Variants in NRG1 observed in about 807,000 individuals in gnomAD.
NRG1 encodes the protein neuregulin 1, also known as pro-neuregulin-1, membrane-bound isoform.
In NRG1, 18 loss-of-function variants were observed where a neutral mutation model predicts 63.8. The observed-to-expected ratio is 0.28, with a 90% confidence interval of 0.19 to 0.42. The LOEUF (loss-of-function observed/expected upper bound fraction) is 0.42, where lower values mean the gene tolerates loss of function less well. Ranked by LOEUF, NRG1 falls within the 10% of genes least tolerant of loss-of-function variation. NRG1 has a pLI of 1.00. For missense variants in NRG1, 762 were observed against 814.7 expected (o/e 0.94, Z 0.79); for synonymous variants, 302 against 301.3 (o/e 1.00, Z -0.02).
intron 1 of NRG1, among the ~76,000 whole-genome samples, chr8:32,111,908 T>C (rs1366932380): frequency 6.6e-6 from 1 of 152,144 alleles, no homozygotes; most frequent in Non-Finnish European, 1.5e-5. Context: ...CAGTTTGAGG[T>C]TTCTTACTCT....
intron 1 of NRG1, among the ~76,000 whole-genome samples, chr8:32,155,754 A>G (rs765636207): frequency 2.0e-5 from 3 of 152,190 alleles, no homozygotes; most frequent in Non-Finnish European, 4.4e-5. Flanking sequence ...TCGTATTCTA[A>G]TATCTCCTAT....
intron 1 of NRG1, among the ~76,000 whole-genome samples, chr8:31,972,893 G>A (rs532684745): frequency 6.6e-6 from 1 of 152,206 alleles, no homozygotes; most frequent in Admixed American, 6.5e-5. Flanking sequence ...TCCTAATCAG[G>A]AACTGGTAAA....
chr8:32,497,516 A>C (rs144146727), intron 1 of NRG1, among the ~76,000 whole-genome samples: 5 of 152,114 alleles, frequency 3.3e-5, no homozygotes, highest in African/African-American at 1.2e-4. Context: ...AATTTAGCAT[A>C]ATTATCATTT....
intron 1 of NRG1, among the ~76,000 whole-genome samples, chr8:32,457,330 A>T (rs1015315524): frequency 6.6e-6 from 1 of 152,116 alleles, no homozygotes; most frequent in Non-Finnish European, 1.5e-5. Context: ...CACATGAAGG[A>T]TGGTGTCCAG....
intron 5 of NRG1, chr8:32,646,791 G>T (rs1853640295): frequency 1.0e-6 from 1 of 985,074 alleles, no homozygotes. Flanking sequence ...CTTCTAATTG[G>T]ATAAAATAGG....
intron 5 of NRG1, among the ~76,000 whole-genome samples, chr8:32,639,212 C>A (rs1851871488): frequency 2.6e-5 from 4 of 152,008 alleles, no homozygotes; most frequent in Admixed American, 2.6e-4. Flanking sequence ...TGGAGACCAG[C>A]CTGGCCAACA....
intron 1 of NRG1, among the ~76,000 whole-genome samples, chr8:32,123,560 G>T (rs1585460785): frequency 6.7e-6 from 1 of 149,740 alleles, no homozygotes; most frequent in East Asian, 2.0e-4. Context: ...CAGTTATCCT[G>T]CATCTTAACA....
chr8:31,952,080 C>CAGCT (rs1351785609), intron 1 of NRG1, among the ~76,000 whole-genome samples: 1 of 152,160 alleles, frequency 6.6e-6, no homozygotes, highest in Non-Finnish European at 1.5e-5. Context: ...TGCTGCTAAC[C>CAGCT]AGCTCTTTCC....
chr8:32,223,571 G>A (rs1469440313), intron 1 of NRG1, among the ~76,000 whole-genome samples: 1 of 152,072 alleles, frequency 6.6e-6, no homozygotes, highest in Non-Finnish European at 1.5e-5. Flanking sequence ...GGTTAAAGAG[G>A]CCAATAAAAA....
chr8:32,080,775 G>A (rs1192548886), intron 1 of NRG1, among the ~76,000 whole-genome samples: 1 of 85,642 alleles, frequency 1.2e-5, no homozygotes, highest in Non-Finnish European at 2.2e-5. Context: ...GTGTGTGTGT[G>A]TGTGTGTGTG....
At chr8:31,948,140 T>C (rs75643074) in intron 1 of NRG1, among the ~76,000 whole-genome samples, 6 of 152,288 alleles carry the variant, frequency 3.9e-5, no homozygotes, top group East Asian at 3.9e-4. Context: ...TATATATCTA[T>C]AAATAAAAGT....
chr8:31,745,442 C>T (rs551700075), intron 1 of NRG1, among the ~76,000 whole-genome samples: 3 of 151,998 alleles, frequency 2.0e-5, no homozygotes, highest in South Asian at 2.1e-4. Context: ...CAAAGTGATA[C>T]GAACTGTTAA....
chr8:32,374,940 A>T (rs190272914), intron 1 of NRG1, among the ~76,000 whole-genome samples: 1 of 152,134 alleles, frequency 6.6e-6, no homozygotes, highest in Admixed American at 6.5e-5. Context: ...CTAAGAACGG[A>T]TATTTTTGCC....
intron 1 of NRG1, among the ~76,000 whole-genome samples, chr8:31,849,109 C>T (rs982411517): frequency 2.6e-5 from 4 of 152,160 alleles, no homozygotes; most frequent in Non-Finnish European, 5.9e-5. Context: ...GAGAGGGAAC[C>T]AGTGATAATC....
chr8:32,060,250 T>G (rs983145732), intron 1 of NRG1, among the ~76,000 whole-genome samples: 2 of 151,938 alleles, frequency 1.3e-5, no homozygotes, highest in Non-Finnish European at 2.9e-5. Context: ...TATTTGTATT[T>G]AAGGGAAACA....
chr8:31,838,508 A>AGGCGG (rs1348911260), intron 1 of NRG1, among the ~76,000 whole-genome samples: 1 of 152,186 alleles, frequency 6.6e-6, no homozygotes, highest in Non-Finnish European at 1.5e-5. Flanking sequence ...GTAGGATCAT[A>AGGCGG]TTAAAGTTCA....
intron 5 of NRG1, among the ~76,000 whole-genome samples, chr8:32,655,407 A>T (rs192351217): frequency 6.6e-6 from 1 of 152,328 alleles, no homozygotes; most frequent in East Asian, 1.9e-4. Context: ...ACAAATGGGG[A>T]TGTTAACATC....
intron 1 of NRG1, among the ~76,000 whole-genome samples, chr8:32,530,736 T>G (rs1256490878): frequency 6.6e-6 from 1 of 152,218 alleles, no homozygotes; most frequent in Non-Finnish European, 1.5e-5. Context: ...ATAATGATTC[T>G]TATATTCCAA....
At chr8:32,075,431 G>T (rs1826349241) in intron 1 of NRG1, among the ~76,000 whole-genome samples, 1 of 152,060 alleles carries the variant, frequency 6.6e-6, no homozygotes, top group African/African-American at 2.4e-5. Flanking sequence ...TTACTGTGTT[G>T]TACAAATATT....
Sources: gnomAD v4.1 joint callset for allele counts (sites outside exome capture counted in the v4.1 genomes callset) on GRCh38, gnomAD v4.1.1 for gene constraint, MANE v1.5 for transcripts, NCBI Gene and HGNC (gene_info 2026-07-23, HGNC 2026-07-21) for gene names.